The following TRPM3 variants were observed in gnomAD, a reference collection of about 807,000 sequenced individuals.
TRPM3 encodes transient receptor potential cation channel subfamily M member 3.
TRPM3 carries 77 observed loss-of-function variants against 181.2 expected under a neutral mutation model. That is an observed-to-expected ratio of 0.42 (90% CI 0.35 to 0.51). The LOEUF (loss-of-function observed/expected upper bound fraction) is 0.51. Among genes scored for constraint, TRPM3 ranks in the 20% least tolerant of loss-of-function variants. The probability of loss-of-function intolerance (pLI) is 0.01; values close to 1 mark genes in which losing one functional copy is unlikely to be tolerated. For synonymous variants in TRPM3, 745 were observed against 796.4 expected, an observed-to-expected ratio of 0.94 and a Z score of 1.09; for missense variants, 1,759 against 2,196.7, an observed-to-expected ratio of 0.80 and a Z score of 3.98.
intron 1 of TRPM3, among the ~76,000 whole-genome samples, chr9:71,391,041 C>T (rs1459060389): frequency 1.3e-5 from 2 of 151,886 alleles, no homozygotes; most frequent in Non-Finnish European, 2.9e-5. Context: ...ATGAATAAAA[C>T]GTGAGTAGAT....
intron 1 of TRPM3, among the ~76,000 whole-genome samples, chr9:71,398,640 G>A (rs979177904): frequency 6.6e-6 from 1 of 152,134 alleles, no homozygotes; most frequent in African/African-American, 2.4e-5. Context: ...CACCATGATT[G>A]TAAGTTTCCT....
chr9:70,867,546 A>T (rs1039651049), intron 1 of TRPM3, among the ~76,000 whole-genome samples: 3 of 152,094 alleles, frequency 2.0e-5, no homozygotes, highest in Non-Finnish European at 2.9e-5. Flanking sequence ...TCTATATCTT[A>T]TTATTAGCAG....
intron 1 of TRPM3, among the ~76,000 whole-genome samples, chr9:71,271,533 G>A (rs1030060208): frequency 2.6e-5 from 4 of 151,824 alleles, no homozygotes; most frequent in Admixed American, 1.3e-4. Context: ...GTGGCTCATC[G>A]GCCTCAGATT....
chr9:70,888,143 G>A (rs535268622), intron 1 of TRPM3, among the ~76,000 whole-genome samples: 35 of 152,220 alleles, frequency 2.3e-4, no homozygotes, highest in South Asian at 8.3e-4. Flanking sequence ...CCAAGAAGGC[G>A]TATTAACTAG....
intron 1 of TRPM3, among the ~76,000 whole-genome samples, chr9:71,107,531 T>C (rs1370787951): frequency 1.3e-5 from 2 of 152,224 alleles, no homozygotes; most frequent in Non-Finnish European, 2.9e-5. Flanking sequence ...CAAAGGCCTG[T>C]TCTTTTCGTC....
intron 6 of TRPM3, among the ~76,000 whole-genome samples, chr9:70,795,658 C>T (rs186697146): frequency 4.6e-5 from 7 of 152,306 alleles, no homozygotes; most frequent in Admixed American, 3.9e-4. Context: ...ATTCATCAAC[C>T]AGCTTGTTAA....
chr9:71,245,383 G>T (rs2081974769), intron 1 of TRPM3, among the ~76,000 whole-genome samples: 1 of 150,494 alleles, frequency 6.6e-6, no homozygotes, highest in Non-Finnish European at 1.5e-5. Flanking sequence ...GGCGGAAGTT[G>T]CAGTGAGCCA....
intron 1 of TRPM3, among the ~76,000 whole-genome samples, chr9:71,017,904 C>G (rs1297815798): frequency 6.6e-6 from 1 of 151,788 alleles, no homozygotes; most frequent in Non-Finnish European, 1.5e-5. Flanking sequence ...AAAAATAATA[C>G]TTGCCAAAAT....
At chr9:71,295,838 CAAAAAAAAA>C (rs11383819) in intron 1 of TRPM3, among the ~76,000 whole-genome samples, 11 of 86,648 alleles carry the variant, frequency 1.3e-4, no homozygotes, top group African/African-American at 4.7e-4. Context: ...GATCCCGTCT[CAAAAAAAAA>C]AAAAAAAAAA....
At chr9:71,060,838 T>C (rs1332886540) in intron 1 of TRPM3, among the ~76,000 whole-genome samples, 4 of 152,108 alleles carry the variant, frequency 2.6e-5, no homozygotes, top group Non-Finnish European at 4.4e-5. Context: ...GCAAACAACA[T>C]AAGCTTGGTC....
At chr9:70,986,513 G>C (rs555251556) in intron 1 of TRPM3, among the ~76,000 whole-genome samples, 23 of 152,124 alleles carry the variant, frequency 1.5e-4, no homozygotes, top group African/African-American at 5.3e-4. Context: ...ATTTCCCCTT[G>C]AATCATCTAA....
At chr9:70,786,022 G>C (rs2083504043) in intron 6 of TRPM3, among the ~76,000 whole-genome samples, 1 of 152,076 alleles carries the variant, frequency 6.6e-6, no homozygotes, top group South Asian at 2.1e-4. Flanking sequence ...GAAGTGAAAG[G>C]CCTTGCTGTT....
intron 3 of TRPM3, among the ~76,000 whole-genome samples, chr9:70,855,331 T>C (rs967863901): frequency 1.3e-5 from 2 of 152,240 alleles, no homozygotes; most frequent in Admixed American, 1.3e-4. Context: ...AATCTTCCTT[T>C]GGCATTCTCA....
intron 1 of TRPM3, among the ~76,000 whole-genome samples, chr9:71,260,113 C>A (rs1315210806): frequency 6.6e-6 from 1 of 152,092 alleles, no homozygotes; most frequent in African/African-American, 2.4e-5. Context: ...AAGCAGTTTT[C>A]CCAACTCCAT....
At chr9:70,974,589 C>T (rs1007163134) in intron 1 of TRPM3, among the ~76,000 whole-genome samples, 9 of 151,322 alleles carry the variant, frequency 5.9e-5, no homozygotes, top group African/African-American at 1.2e-4. Flanking sequence ...ATTAGCTGGG[C>T]GTGGTGGCAC....
At chr9:70,995,960 C>G (rs964388364) in intron 1 of TRPM3, among the ~76,000 whole-genome samples, 8 of 152,100 alleles carry the variant, frequency 5.3e-5, no homozygotes, top group African/African-American at 9.7e-5. Flanking sequence ...CTTTATGTGT[C>G]TCTTTATACT....
At chr9:71,076,572 C>A (rs583349) in intron 1 of TRPM3, among the ~76,000 whole-genome samples, 34,386 of 152,066 alleles carry the variant, frequency 0.23, 4,617 homozygotes, top group East Asian at 0.32. Context: ...CACCCTCCCT[C>A]TTCCATCTCA....
intron 1 of TRPM3, among the ~76,000 whole-genome samples, chr9:71,259,589 T>C (rs2082902449): frequency 6.6e-6 from 1 of 152,188 alleles, no homozygotes; most frequent in Non-Finnish European, 1.5e-5. Context: ...CTATTCTAAC[T>C]GGTGTGAGGT....
intron 1 of TRPM3, among the ~76,000 whole-genome samples, chr9:70,865,087 C>T (rs2095620635): frequency 6.6e-6 from 1 of 151,536 alleles, no homozygotes; most frequent in Admixed American, 6.6e-5. Flanking sequence ...AAGATAAATG[C>T]TTTTATCATA....
Sources: gnomAD v4.1 joint callset for allele counts (sites outside exome capture counted in the v4.1 genomes callset) on GRCh38, gnomAD v4.1.1 for gene constraint, MANE v1.5 for transcripts, NCBI Gene and HGNC (gene_info 2026-07-23, HGNC 2026-07-21) for gene names.